The following AMER1 variants were observed in gnomAD, a reference collection of about 807,000 sequenced individuals.
AMER1 encodes APC membrane recruitment protein 1, also known as RP11-403E24.2.
Under a neutral mutation model 53.0 loss-of-function variants are expected in AMER1, and 16 were observed. The observed-to-expected ratio is 0.30, with a 90% CI of 0.20 to 0.46. The LOEUF is 0.46. AMER1 is among the 20% of genes least tolerant of loss of function. The pLI is 1.00. For synonymous variants in AMER1, 354 were observed against 331.9 expected (o/e 1.07, Z -0.73); for missense variants, 947 against 884.9 (o/e 1.07, Z -0.89).
rs2147088477 is a variant in AMER1, at chrX:64,191,903, C to G, written c.1384G>C (p.Glu462Gln). The change falls in exon 2 of 2, where the codon GAA (glutamate) becomes CAA (glutamine). Residue 462 changes from glutamate (E) to glutamine (Q), a missense_variant. Coordinates refer to ENST00000374869, the MANE Select transcript of AMER1 (RefSeq NM_152424.4). ...CCTTCATCACTATTGGGGGCGGATT[C>G]TTGCTGGTCACTCTGAGGAGTCAAA... ...ELLTPQSDQQ[E>Q]SAPNSDEGYY... is the part of the protein sequence containing the mutation. The G allele has an allele frequency of 8.3e-7, 1 of 1,211,740 alleles. No homozygotes were observed. Among genetic ancestry groups the G allele is most frequent in the Non-Finnish European group, 1.1e-6 (1 of 895,516 alleles).
At position 64,189,480 on chromosome X, in the gene AMER1, A is replaced by ATGTGTGTGTG. The variant is rs1569190995; in HGVS notation, c.*398_*399insCACACACACA. The ATGTGTGTGTG allele has an allele frequency of 5.8e-6, 3 of 515,924 alleles. No homozygotes were observed. In the African/African-American group the frequency reaches 1.9e-4, roughly 32 times the overall value. 42.5% of individuals were successfully genotyped at this position (515,924 alleles called of 1,213,427 possible). On this transcript the variant is annotated 3_prime_UTR_variant, in exon 2 of 2. Coordinates refer to ENST00000374869, the MANE Select transcript of AMER1 (RefSeq NM_152424.4). ...CATGTGTGTTTGTGTGTGTGTGTGT[A>ATGTGTGTGTG]TGTATGTGTGTGTGTGTGTGTGTGT...
rs771626073 is a variant in AMER1 at position 64,193,005 on chromosome X, C to G, written c.282G>C (p.Lys94Asn). The G allele has an allele frequency of 2.5e-6, 3 of 1,211,924 alleles. No homozygotes were observed. The South Asian group carries it at 5.3e-5, about 21-fold the overall frequency. Residue 94 changes from lysine (K) to asparagine (N), a missense_variant, in exon 2 of 2, where the codon AAG becomes AAC. Transcript: ENST00000374869. Reference protein sequence around the residue: ...GSSKKGLSKSKTHDGLSEAAH... With the variant: ...GSSKKGLSKSNTHDGLSEAAH... ...CTGCTTCACTCAGGCCATCGTGGGT[C>G]TTGCTCTTGCTGAGACCTTTCTTGG...
At chrX:64,201,302 G>A (rs1333583014) in intron 1 of AMER1, among the ~76,000 whole-genome samples, 6 of 111,192 alleles carry the variant, frequency 5.4e-5, no homozygotes, top group Non-Finnish European at 7.5e-5. Context: ...AAAATAAGAC[G>A]AAGCAGAGGA....
Position 64,186,691 on chromosome X carries a change from A to G in AMER1, c.*3188T>C. 1 of 775,103 alleles carries G rather than the reference A, an allele frequency of 1.3e-6. No homozygotes were observed. The highest frequency in any genetic ancestry group is 1.5e-6 in the Non-Finnish European group (1 of 651,407). The allele number at this position is 775,103 out of a possible 1,213,427, so 63.9% of individuals were successfully genotyped here. A position where few individuals can be genotyped will look rare whatever the true frequency, so the allele number is the denominator to read the frequency against. On this transcript the variant is annotated 3_prime_UTR_variant, in exon 2 of 2. Transcript: ENST00000374869. ...AGAGAGACTGGTGTTTACTGAACCCATTATCCGGGCAGTCTTGTGGCCTGG... is the reference window on the plus strand; with the variant it reads ...AGAGAGACTGGTGTTTACTGAACCCGTTATCCGGGCAGTCTTGTGGCCTGG...
At position 64,191,243 on chromosome X, in the gene AMER1, T is replaced by C; in HGVS notation, c.2044A>G (p.Thr682Ala). ...GTSQISHRGI[T>A]SAFPTTASSE... ...CTTGCAGTGGTGGGGAAAGCTGAGG[T>C]AATTCCCCGGTGGGAAATCTGAGAG... Residue 682 changes from threonine to alanine, a missense_variant, in exon 2 of 2, where the codon ACC (threonine) becomes GCC (alanine). By Grantham distance (58) the Thr-to-Ala change is moderately conservative (BLOSUM62 0). Transcript: ENST00000374869. 1.7e-6 allele frequency: 2 copies of C among 1,211,498 alleles called. No individual in the cohort carries two copies. Among genetic ancestry groups the C allele is most frequent in the African/African-American group, 1.7e-5 (1 of 57,744 alleles).
At chrX:64,197,649 C>T (rs375085339) in intron 1 of AMER1, among the ~76,000 whole-genome samples, 2 of 112,513 alleles carry the variant, frequency 1.8e-5, no homozygotes, top group African/African-American at 3.2e-5. Flanking sequence ...AACAGTCTTC[C>T]TGAAAGCAAG....
rs1217151817 is a variant in AMER1 at position 64,186,796 on chromosome X, C to G, written c.*3083G>C. On this transcript the variant is annotated 3_prime_UTR_variant, in exon 2 of 2. Transcript: ENST00000374869. ...TGCTTCCTTGGAGACTCTAAAGCAC[C>G]AAGAAACTGGCATCCTGGCCCTGGG... 2.6e-6 allele frequency: 2 copies of G among 772,508 alleles called. No homozygotes were observed. The highest frequency in any genetic ancestry group is 3.1e-6 in the Non-Finnish European group (2 of 650,599). The allele number at this position is 772,508 out of a possible 1,213,427, so 63.7% of individuals were successfully genotyped here.
intron 1 of AMER1, among the ~76,000 whole-genome samples, chrX:64,198,669 C>A (rs1192179114): frequency 1.8e-5 from 2 of 111,692 alleles, no homozygotes; most frequent in East Asian, 5.7e-4. Flanking sequence ...TTCTTTGCCA[C>A]ATTTCCAGTC....
At position 64,189,793 on chromosome X, in the gene AMER1, A is replaced by ACGGG; in HGVS notation, c.*85_*86insCCCG. On this transcript the variant is annotated 3_prime_UTR_variant, in exon 2 of 2. Coordinates refer to ENST00000374869, the MANE Select transcript of AMER1 (RefSeq NM_152424.4). ...CAAAGGGTTTTCAAGTTAAACAACA[A>ACGGG]CCCCCACCCCCCCACCCTTCTGCCC... The ACGGG allele has an allele frequency of 1.7e-5, 5 of 292,047 alleles. No individual in the cohort carries two copies. Among genetic ancestry groups the ACGGG allele is most frequent in the Non-Finnish European group, 2.4e-5 (5 of 204,807 alleles). The allele number at this position is 292,047 out of a possible 1,213,427, so 24.1% of individuals were successfully genotyped here. A position where few individuals can be genotyped will look rare whatever the true frequency, so the allele number is the denominator to read the frequency against.
At chrX:64,203,213 G>C (rs939845474) in intron 1 of AMER1, among the ~76,000 whole-genome samples, 5 of 111,709 alleles carry the variant, frequency 4.5e-5, no homozygotes, top group Non-Finnish European at 9.4e-5. Context: ...TGTTGTTGGG[G>C]GAAGATATAT....
In AMER1 at chrX:64,186,669, G is replaced by T. The variant is rs754065479; in HGVS notation, c.*3210C>A. ...CTTGGCATAGGACTAAGGAGGGAGA[G>T]AGACTGGTGTTTACTGAACCCATTA... On this transcript the variant is annotated 3_prime_UTR_variant, in exon 2 of 2. Transcript: ENST00000374869. The T allele has an allele frequency of 2.5e-4, 190 of 772,574 alleles. No individual in the cohort carries two copies. Among genetic ancestry groups the T allele is most frequent in the Non-Finnish European group, 2.9e-4 (187 of 650,801 alleles). 63.7% of individuals were successfully genotyped at this position (772,574 alleles called of 1,213,427 possible).
rs995009774 is a variant in AMER1, at chrX:64,190,265, G to A, written c.3022C>T (p.Pro1008Ser). 3.3e-6 allele frequency: 4 copies of A among 1,210,639 alleles called. No homozygotes were observed. In the African/African-American group the frequency reaches 7.0e-5, roughly 21 times the overall value. The change falls in exon 2 of 2, where the codon CCA becomes TCA. Residue 1008 changes from proline (P) to serine (S), a missense_variant. Transcript: ENST00000374869. ...PMTMSISLSV[P>S]ESRAPGESGP... ...GATTCCCCAGGTGCCCTTGACTCTG[G>A]CACTGATAGTGATATTGACATGGTC...
chrX:64,190,944 G>T lies in AMER1; in HGVS notation c.2343C>A (p.Asn781Lys), dbSNP rs144246257. 5 of 1,209,549 alleles carry T rather than the reference G, an allele frequency of 4.1e-6. No homozygotes were observed. The African/African-American group carries it at 8.8e-5, about 21-fold the overall frequency. Residue 781 changes from asparagine to lysine, a missense_variant, in exon 2 of 2, where the codon AAC (asparagine) becomes AAA (lysine). Coordinates refer to ENST00000374869, the MANE Select transcript of AMER1 (RefSeq NM_152424.4). ...AGCTGCAGGACATGCTGGAAAAGAG[G>T]TTCCCATTGCTGGTGAACTCTACCA... ...QALVEFTSNG[N>K]LFSSMSCSSD...
chrX:64,201,100 C>T (rs1168041838), intron 1 of AMER1, among the ~76,000 whole-genome samples: 1 of 111,233 alleles, frequency 9.0e-6, no homozygotes, highest in Non-Finnish European at 1.9e-5. Flanking sequence ...CACTGCAGCA[C>T]CAGTATGCCT....
chrX:64,186,277 T>A lies in AMER1; in HGVS notation c.*3602A>T. On this transcript the variant is annotated 3_prime_UTR_variant, in exon 2 of 2. Transcript: ENST00000374869. Reference sequence around the variant, plus strand: ...CTAGGCAGTTGAGATGCCAGCCCTCTGCACAAGCAGCAGCAATTTTTGTGT... The same window carrying A: ...CTAGGCAGTTGAGATGCCAGCCCTCAGCACAAGCAGCAGCAATTTTTGTGT... The A allele has an allele frequency of 9.4e-7, 1 of 1,067,486 alleles. No homozygotes were observed. Among genetic ancestry groups the A allele is most frequent in the South Asian group, 3.0e-5 (1 of 33,104 alleles). The allele number at this position is 1,067,486 out of a possible 1,213,427, so 88.0% of individuals were successfully genotyped here. A position where few individuals can be genotyped will look rare whatever the true frequency, so the allele number is the denominator to read the frequency against.
chrX:64,188,036 C>G lies in AMER1; in HGVS notation c.*1843G>C, dbSNP rs374022848. ...GCTATTTGTGAGTAAGGGCACTGGG[C>G]CAACCCCAATCTGAGAAATGGTGAC... On this transcript the variant is annotated 3_prime_UTR_variant, in exon 2 of 2. Coordinates refer to ENST00000374869, the MANE Select transcript of AMER1 (RefSeq NM_152424.4). 2.4e-5 allele frequency: 19 copies of G among 780,612 alleles called. No individual in the cohort carries two copies. The African/African-American group carries it at 3.8e-4, about 16-fold the overall frequency. 64.3% of individuals were successfully genotyped at this position (780,612 alleles called of 1,213,427 possible).
intron 1 of AMER1, among the ~76,000 whole-genome samples, chrX:64,202,733 G>A (rs1930514855): frequency 8.9e-6 from 1 of 112,005 alleles, no homozygotes; most frequent in Non-Finnish European, 1.9e-5. Context: ...TTAACTGGCT[G>A]ACTTTGCAGC....
chrX:64,197,164 C>A (rs1169590389), intron 1 of AMER1, among the ~76,000 whole-genome samples: 2 of 112,824 alleles, frequency 1.8e-5, no homozygotes, highest in Non-Finnish European at 3.8e-5. Flanking sequence ...TGCAGGGCCC[C>A]ACAACCCTCA....
rs776607488 is a variant in AMER1, at chrX:64,189,464, TTG to T, written c.*413_*414del. ...GCTATATATGTGTGTGCATGTGTGT[TTG>T]TGTGTGTGTGTGTATGTATGTGTGT... On this transcript the variant is annotated 3_prime_UTR_variant, in exon 2 of 2. Coordinates refer to ENST00000374869, the MANE Select transcript of AMER1 (RefSeq NM_152424.4). 1.2e-3 allele frequency: 867 copies of T among 698,044 alleles called. No individual in the cohort carries two copies. Among genetic ancestry groups the T allele is most frequent in the East Asian group, 3.0e-3 (25 of 8,348 alleles). The allele number at this position is 698,044 out of a possible 1,213,427, so 57.5% of individuals were successfully genotyped here. A position where few individuals can be genotyped will look rare whatever the true frequency, so the allele number is the denominator to read the frequency against.
Sources: gnomAD v4.1 joint callset for allele counts (sites outside exome capture counted in the v4.1 genomes callset) on GRCh38, gnomAD v4.1.1 for gene constraint, MANE v1.5 for transcripts, NCBI Gene and HGNC (gene_info 2026-07-23, HGNC 2026-07-21) for gene names.